Variants in RHBDF1 observed in about 807,000 individuals in gnomAD.
The protein encoded by RHBDF1 is inactive rhomboid protein 1.
Under a neutral mutation model 98.6 loss-of-function variants are expected in RHBDF1, and 80 were observed. The ratio of observed to expected loss-of-function variants is 0.81; its 90% CI spans 0.68 to 0.98. RHBDF1 has a LOEUF of 0.98. Ranked by LOEUF, RHBDF1 falls within the 50% of genes least tolerant of loss-of-function variation. The pLI, the probability that RHBDF1 is intolerant of heterozygous loss-of-function variation, is 0.00. For missense variants in RHBDF1, 1,116 were observed against 1,198.3 expected, an observed-to-expected ratio of 0.93 and a Z score of 1.01; for synonymous variants, 512 against 486.8, an observed-to-expected ratio of 1.05 and a Z score of -0.68.
rs905605278 is a variant in RHBDF1 at position 58,097 on chromosome 16, T to C, written c.*243A>G. ...AGCTAAAACGCTCCCAGTCCATTTATTGGCCACATGAGGTGGTCGTCAAGA... is the reference window on the plus strand; with the variant it reads ...AGCTAAAACGCTCCCAGTCCATTTACTGGCCACATGAGGTGGTCGTCAAGA... On this transcript the variant is annotated 3_prime_UTR_variant, in exon 18 of 18. Coordinates refer to ENST00000262316, the MANE Select transcript of RHBDF1 (RefSeq NM_022450.5). 12 of 470,726 alleles carry C rather than the reference T, an allele frequency of 2.5e-5. No homozygotes were observed. The highest frequency in any genetic ancestry group is 3.9e-5 in the Admixed American group (1 of 25,762). The allele number at this position is 470,726 out of a possible 1,614,324, so 29.2% of individuals were successfully genotyped here. A position where few individuals can be genotyped will look rare whatever the true frequency, so the allele number is the denominator to read the frequency against.
At chr16:61,766 A>G in intron 8 of RHBDF1, 32 bp downstream of exon 8, 1 of 1,605,926 alleles carries the variant, frequency 6.2e-7, no homozygotes, top group Admixed American at 1.7e-5. Flanking sequence ...GGGAGCCTCC[A>G]TCCCAACCCA....
At chr16:70,990 C>T (rs1897953389) in intron 1 of RHBDF1, among the ~76,000 whole-genome samples, 1 of 152,248 alleles carries the variant, frequency 6.6e-6, no homozygotes, top group Non-Finnish European at 1.5e-5. Context: ...GGTGGGGGAA[C>T]TGGAGCCGGT....
At chr16:68,884 G>T (rs1312466927) in intron 1 of RHBDF1, among the ~76,000 whole-genome samples, 1 of 152,194 alleles carries the variant, frequency 6.6e-6, no homozygotes, top group African/African-American at 2.4e-5. Context: ...GAGCCAGAAA[G>T]CAGGAGCCGA....
rs1471400416 is a variant in RHBDF1 at position 61,641 on chromosome 16, C to T, written c.1264G>A (p.Val422Met). The T allele has an allele frequency of 6.2e-7, 1 of 1,613,548 alleles. No individual in the cohort carries two copies. The highest frequency in any genetic ancestry group is 2.2e-5 in the East Asian group (1 of 44,866). The change falls in exon 9 of 18, where the codon GTG becomes ATG. Residue 422 changes from valine to methionine, a missense_variant. By Grantham distance (21) the Val-to-Met change is conservative (BLOSUM62 1). Transcript: ENST00000262316. The stretch of plus-strand genomic sequence containing the variant: ...ACGGGCGCGATGCCATAGATGCACA[C>T]GGCTAGGATGGTGACGAGCGAGTGC... ...FVHSLVTILA[V>M]CIYGIAPVGF... is the part of the protein sequence containing the mutation.
At chr16:70,728 C>T (rs942667698) in intron 1 of RHBDF1, among the ~76,000 whole-genome samples, 2 of 152,204 alleles carry the variant, frequency 1.3e-5, no homozygotes, top group Non-Finnish European at 2.9e-5. Context: ...TGGGCCAGGT[C>T]TGCCCAGGAG....
intron 1 of RHBDF1, among the ~76,000 whole-genome samples, chr16:67,518 C>G (rs1897860068): frequency 6.6e-6 from 1 of 152,198 alleles, no homozygotes; most frequent in Non-Finnish European, 1.5e-5. Flanking sequence ...CATGACTTCC[C>G]TGGCTCCTGC....
intron 3 of RHBDF1, 112 bp downstream of exon 3, chr16:64,587 G>A: frequency 1.9e-6 from 3 of 1,539,946 alleles, no homozygotes; most frequent in South Asian, 2.5e-5. Context: ...CGAGATGGAG[G>A]AGGAAGCTGA....
At chr16:73,875 C>G, upstream of RHBDF1, 1 of 944,804 alleles carries the variant, frequency 1.1e-6, no homozygotes, top group African/African-American at 1.8e-5. Flanking sequence ...CTTGGCTAGA[C>G]AGAAAAGGGG....
In RHBDF1 at chr16:61,630, A is replaced by G. The variant is rs1234284527; in HGVS notation, c.1275T>C (p.Tyr425=). The G allele has an allele frequency of 1.2e-6, 2 of 1,613,384 alleles. No homozygotes were observed. Among genetic ancestry groups the G allele is most frequent in the African/African-American group, 1.3e-5 (1 of 74,910 alleles). Residue 425 remains tyrosine, a synonymous_variant, in exon 9 of 18, where the codon TAT becomes TAC. Transcript: ENST00000262316. ...SLVTILAVCI[Y]GIAPVGFSQH... Reference sequence around the variant, plus strand: ...GCGAGAAGCCCACGGGCGCGATGCCATAGATGCACACGGCTAGGATGGTGA... The same window carrying G: ...GCGAGAAGCCCACGGGCGCGATGCCGTAGATGCACACGGCTAGGATGGTGA...
chr16:71,557 C>T (rs1173956373), intron 1 of RHBDF1, among the ~76,000 whole-genome samples: 1 of 152,236 alleles, frequency 6.6e-6, no homozygotes, highest in Non-Finnish European at 1.5e-5. Context: ...TGAATCTTCT[C>T]CCGGTCTCCA....
At chr16:74,031 C>A (rs1049116379), upstream of RHBDF1, 5 of 735,750 alleles carry the variant, frequency 6.8e-6, no homozygotes, top group Non-Finnish European at 8.3e-6. Flanking sequence ...AATATCAACA[C>A]AATTCTCATG....
chr16:72,347 G>C (rs1057336260), intron 1 of RHBDF1, among the ~76,000 whole-genome samples, 166 bp downstream of exon 1: 26 of 151,704 alleles, frequency 1.7e-4, no homozygotes, highest in African/African-American at 5.8e-4. Context: ...CCGCCCCGGG[G>C]GGGCCTCGCC....
upstream of RHBDF1, among the ~76,000 whole-genome samples, chr16:76,073 G>A (rs935816249): frequency 3.3e-5 from 5 of 152,188 alleles, no homozygotes; most frequent in African/African-American, 4.8e-5. Context: ...GCCTATTGTG[G>A]AGGTCGGGGG....
At position 58,740 on chromosome 16, in the gene RHBDF1, T is replaced by C. The variant is rs1403879289; in HGVS notation, c.2168A>G (p.Gln723Arg). ...GAAGAGGCAGGCCAGGATGCCGAAC[T>C]GGGAGCCAGCAGGACCCACCTGGGG... ...YRAEVGPAGSQFGILACLFVE... is the reference protein window; with the variant it reads ...YRAEVGPAGSRFGILACLFVE... Residue 723 changes from glutamine (Q) to arginine (R), a missense_variant, in exon 18 of 18, where the codon CAG becomes CGG. Transcript: ENST00000262316. 1 of 1,612,418 alleles carries C rather than the reference T, an allele frequency of 6.2e-7. No homozygotes were observed. Among genetic ancestry groups the C allele is most frequent in the African/African-American group, 1.3e-5 (1 of 74,892 alleles).
chr16:73,062 A>T (rs1231003067), upstream of RHBDF1, among the ~76,000 whole-genome samples: 1 of 152,092 alleles, frequency 6.6e-6, no homozygotes, highest in Non-Finnish European at 1.5e-5. Flanking sequence ...ACCCAATCCC[A>T]CTAAGCACTC....
chr16:75,923 G>A (rs1211743465), upstream of RHBDF1, among the ~76,000 whole-genome samples: 1 of 152,098 alleles, frequency 6.6e-6, no homozygotes, highest in East Asian at 1.9e-4. Context: ...GGCACCCTGG[G>A]GTCATAAGGC....
rs200606358 is a variant in RHBDF1, at chr16:58,623, C to G, written c.2285G>C (p.Gly762Ala). The change falls in exon 18 of 18, where the codon GGG (glycine) becomes GCG (alanine). Residue 762 changes from glycine (G) to alanine (A), a missense_variant. Physicochemically the swap from Gly to Ala is moderately conservative, Grantham distance 60 (BLOSUM62 0). Coordinates refer to ENST00000262316, the MANE Select transcript of RHBDF1 (RefSeq NM_022450.5). The part of the protein sequence containing the change: ...LAVVLFLFTF[G>A]LLPWIDNFAH... ...AAAGTTGTCAATCCACGGCAGCAGC[C>G]CAAAGGTGAAGAGGAAGAGCACCAC... 3 of 1,613,554 alleles carry G rather than the reference C, an allele frequency of 1.9e-6. No homozygotes were observed. In the African/African-American group the frequency reaches 4.0e-5, roughly 22 times the overall value.
upstream of RHBDF1, among the ~76,000 whole-genome samples, chr16:76,033 G>A (rs1898081195): frequency 1.3e-5 from 2 of 152,172 alleles, no homozygotes; most frequent in South Asian, 4.1e-4. Flanking sequence ...CCTACAGCTG[G>A]AGGCAGCTCC....
Position 70,102 on chromosome 16 carries a change from G to A in RHBDF1, c.-25+2411C>T, listed in dbSNP as rs371750651. On this transcript the variant is annotated intron_variant, in intron 1 of 17. Transcript: ENST00000262316. Reference sequence around the variant, plus strand: ...CCTGACTCAGTTGGGTCTGACAGGGGCTGACATGGCAGACACACCCAGGAA... The same window carrying A: ...CCTGACTCAGTTGGGTCTGACAGGGACTGACATGGCAGACACACCCAGGAA... Among the ~76,000 whole-genome samples, 55 of 152,340 alleles carry A rather than the reference G, an allele frequency of 3.6e-4. 2 individuals carry two copies. The South Asian group carries it at 0.01, about 29-fold the overall frequency.
Sources: gnomAD v4.1 joint callset for allele counts (sites outside exome capture counted in the v4.1 genomes callset) on GRCh38, gnomAD v4.1.1 for gene constraint, MANE v1.5 for transcripts, NCBI Gene and HGNC (gene_info 2026-07-23, HGNC 2026-07-21) for gene names.